Variants in TRPM2 observed in about 807,000 individuals in gnomAD.
The protein encoded by TRPM2 is transient receptor potential cation channel subfamily M member 2.
In TRPM2, 161 loss-of-function variants were observed where a neutral mutation model predicts 174.0. The observed-to-expected ratio is 0.93, with a 90% CI of 0.81 to 1.05. The LOEUF (loss-of-function observed/expected upper bound fraction) is 1.05. Among genes scored for constraint, TRPM2 ranks in the 50% least tolerant of loss-of-function variants. TRPM2 has a pLI of 0.00. For missense variants in TRPM2, 2,057 were observed against 2,038.0 expected, an observed-to-expected ratio of 1.01 and a Z score of -0.18; for synonymous variants, 954 against 861.3, an observed-to-expected ratio of 1.11 and a Z score of -1.88.
intron 5 of TRPM2, among the ~76,000 whole-genome samples, 181 bp from the exon 6 acceptor site, chr21:44,375,652 G>A (rs551087912): frequency 2.6e-5 from 4 of 152,158 alleles, no homozygotes; most frequent in African/African-American, 4.8e-5. Context: ...GGGCCCACTC[G>A]GATCATCCAA....
In TRPM2 at chr21:44,389,436, T is replaced by C. The variant is rs142152783; in HGVS notation, c.1319-1468T>C. On this transcript the variant is annotated intron_variant, in intron 9 of 31. Coordinates refer to ENST00000397928, the MANE Select transcript of TRPM2 (RefSeq NM_003307.4). The stretch of plus-strand genomic sequence containing the variant: ...ATCTAGGAGTGGAATTACTGGCCTT[T>C]ATGGTAAGTGTATGTTTTACTTTGT... Among the ~76,000 whole-genome samples the C allele has an allele frequency of 2.0e-4, 31 of 152,354 alleles. No individual in the cohort carries two copies. The East Asian group carries it at 4.2e-3, about 21-fold the overall frequency.
chr21:44,357,567 C>T (rs556319375), intron 2 of TRPM2, among the ~76,000 whole-genome samples: 168 of 152,298 alleles, frequency 1.1e-3, no homozygotes, highest in Non-Finnish European at 1.9e-3. Context: ...TTCCTCTAGC[C>T]GAGAAGCACG....
rs1785439 is a variant in TRPM2, at chr21:44,406,861, A to G, written c.2962+96A>G. The G allele has an allele frequency of 0.76, 1,101,623 of 1,454,940 alleles. 417,859 individuals are homozygous for G. The highest frequency in any genetic ancestry group is 0.79 in the East Asian group (31,850 of 40,104). The allele number at this position is 1,454,940 out of a possible 1,614,324, so 90.1% of individuals were successfully genotyped here. ...CATGAGTGGGAGTGAGGCCGGCTCCATCAGGGGGTCCTGCGGTTCCCACCT... is the reference window on the plus strand; with the variant it reads ...CATGAGTGGGAGTGAGGCCGGCTCCGTCAGGGGGTCCTGCGGTTCCCACCT... On this transcript the variant is annotated intron_variant, in intron 19 of 31. Coordinates refer to ENST00000397928, the MANE Select transcript of TRPM2 (RefSeq NM_003307.4).
intron 8 of TRPM2, among the ~76,000 whole-genome samples, chr21:44,382,260 G>A (rs2048904817): frequency 6.6e-6 from 1 of 152,160 alleles, no homozygotes; most frequent in Non-Finnish European, 1.5e-5. Context: ...TAGATAGATG[G>A]ATAGATGCAT....
intron 8 of TRPM2, among the ~76,000 whole-genome samples, chr21:44,381,999 T>TA (rs796979634): frequency 1.4e-5 from 2 of 147,428 alleles, no homozygotes; most frequent in South Asian, 2.2e-4. Flanking sequence ...GATAGATGGA[T>TA]GATAGATAGA....
intron 5 of TRPM2, among the ~76,000 whole-genome samples, chr21:44,370,241 C>G (rs1383019980): frequency 6.6e-6 from 1 of 152,106 alleles, no homozygotes. Flanking sequence ...CAGGGCGATC[C>G]GACCCCGAAC....
chr21:44,390,342 A>T (rs959379723), intron 9 of TRPM2, among the ~76,000 whole-genome samples: 37 of 152,194 alleles, frequency 2.4e-4, no homozygotes, highest in African/African-American at 8.7e-4. Flanking sequence ...GTATGGTGTG[A>T]GGTAAGGGTC....
chr21:44,418,866 T>C (rs865920310), intron 22 of TRPM2, among the ~76,000 whole-genome samples: 1 of 152,182 alleles, frequency 6.6e-6, no homozygotes, highest in Non-Finnish European at 1.5e-5. Context: ...CCTGGGGGCA[T>C]GTGCACACGG....
chr21:44,421,281 G>A lies in TRPM2; in HGVS notation c.3462-2364G>A, dbSNP rs56384759. ...TGCAGTGAGCTGAGATCGCGCTGCT[G>A]CACTCCAGCCTGGGCGACAGAGCAA... On this transcript the variant is annotated intron_variant, in intron 22 of 31. Coordinates refer to ENST00000397928, the MANE Select transcript of TRPM2 (RefSeq NM_003307.4). 9.7e-3 allele frequency among the ~76,000 whole-genome samples: 1,466 copies of A among 151,828 alleles called. 11 individuals carry two copies. Among genetic ancestry groups the A allele is most frequent in the Non-Finnish European group, 0.015 (1,002 of 67,976 alleles).
rs777462356 is a variant in TRPM2 at position 44,426,995 on chromosome 21, C to A, written c.3873-15C>A. Reference sequence around the variant, plus strand: ...CAACACGGGCACACAGACACGCCTTCTCCTCTGCTCCCAGCACCCTGGAGC... The same window carrying A: ...CAACACGGGCACACAGACACGCCTTATCCTCTGCTCCCAGCACCCTGGAGC... On this transcript the variant is annotated splice_polypyrimidine_tract_variant and intron_variant, in intron 26 of 31. Transcript: ENST00000397928. 1 of 1,577,836 alleles carries A rather than the reference C, an allele frequency of 6.3e-7. No homozygotes were observed. The highest frequency in any genetic ancestry group is 1.2e-5 in the South Asian group (1 of 86,548).
At position 44,414,028 on chromosome 21, in the gene TRPM2, C is replaced by G; in HGVS notation, c.3100C>G (p.Leu1034Val). The change falls in exon 20 of 32, where the codon CTC becomes GTC. Residue 1034 changes from leucine (L) to valine (V), a missense_variant. Leu to Val is a conservative substitution (Grantham distance 32). Coordinates refer to ENST00000397928, the MANE Select transcript of TRPM2 (RefSeq NM_003307.4). ...GGTCCTCCTACTCTGCCTCTACCTG[C>G]TCTTCACCAACATCCTGCTGCTCAA... ...LTVLLLCLYL[L>V]FTNILLLNLL... is the part of the protein sequence containing the mutation. 4 of 1,613,590 alleles carry G rather than the reference C, an allele frequency of 2.5e-6. No individual in the cohort carries two copies. Among genetic ancestry groups the G allele is most frequent in the Non-Finnish European group, 3.4e-6 (4 of 1,179,980 alleles).
chr21:44,428,940 T>TA (rs376726509), intron 27 of TRPM2, among the ~76,000 whole-genome samples: 39 of 152,370 alleles, frequency 2.6e-4, no homozygotes, highest in African/African-American at 8.7e-4. Context: ...AGCGTTGCAG[T>TA]AATCCTGACT....
Position 44,401,716 on chromosome 21 carries a change from C to T in TRPM2, c.2357C>T (p.Ala786Val). The change falls in exon 16 of 32, where the codon GCC (alanine) becomes GTC (valine). Residue 786 changes from alanine (A) to valine (V), a missense_variant. Transcript: ENST00000397928. ...KRLQDVGTPA[A>V]RARAFFTAPV... is the part of the protein sequence containing the mutation. Reference sequence around the variant, plus strand: ...CTGCAGGATGTGGGCACCCCCGCGGCCCGCGCCCGTGCCTTCTTCACCGCA... The same window carrying T: ...CTGCAGGATGTGGGCACCCCCGCGGTCCGCGCCCGTGCCTTCTTCACCGCA... 1 of 1,613,302 alleles carries T rather than the reference C, an allele frequency of 6.2e-7. No individual in the cohort carries two copies. Among genetic ancestry groups the T allele is most frequent in the Non-Finnish European group, 8.5e-7 (1 of 1,179,920 alleles).
At chr21:44,407,114 C>G (rs1601176296) in intron 19 of TRPM2, among the ~76,000 whole-genome samples, 1 of 144,656 alleles carries the variant, frequency 6.9e-6, no homozygotes, top group Admixed American at 7.0e-5. Context: ...TCCTTCTTCT[C>G]TTGATGGAAA....
At chr21:44,413,824 C>G in intron 19 of TRPM2, 67 bp from the exon 20 acceptor site, 1 of 1,551,726 alleles carries the variant, frequency 6.4e-7, no homozygotes, top group Non-Finnish European at 8.8e-7. Flanking sequence ...CGAGGGCCCC[C>G]TCCTGCCAAG....
intron 29 of TRPM2, among the ~76,000 whole-genome samples, chr21:44,437,686 AG>A (rs2051332924): frequency 6.6e-6 from 1 of 152,172 alleles, no homozygotes; most frequent in African/African-American, 2.4e-5. Flanking sequence ...TGTGGGGCTG[AG>A]GCTGGAGCGC....
chr21:44,422,744 A>C (rs2050597223), intron 22 of TRPM2, among the ~76,000 whole-genome samples: 1 of 151,224 alleles, frequency 6.6e-6, no homozygotes. Context: ...ACAGAAACCA[A>C]ACATTTCCAG....
rs918851971 is a variant in TRPM2 at position 44,439,824 on chromosome 21, C to T, written c.4269+656C>T. Among the ~76,000 whole-genome samples, 2 of 152,112 alleles carry T rather than the reference C, an allele frequency of 1.3e-5. No homozygotes were observed. On this transcript the variant is annotated intron_variant, in intron 30 of 31. Transcript: ENST00000397928. The surrounding 1 kb of genome is among the most constrained non-coding windows in gnomAD (Gnocchi z 5.1). ...GCAGCCTCCACCTCCCGGGCTCAAGCAATGCTCTTGCCTTGGCCTCCCAGG... is the reference window on the plus strand; with the variant it reads ...GCAGCCTCCACCTCCCGGGCTCAAGTAATGCTCTTGCCTTGGCCTCCCAGG...
intron 9 of TRPM2, 122 bp downstream of exon 9, chr21:44,382,942 A>G: frequency 9.3e-7 from 1 of 1,077,048 alleles, no homozygotes; most frequent in Admixed American, 2.2e-5. Flanking sequence ...TTGGTCAGAA[A>G]CCCTGGCCAG....
Sources: allele counts gnomAD v4.1 joint callset (sites outside exome capture counted in the v4.1 genomes callset), GRCh38; gene constraint gnomAD v4.1.1; non-coding constraint Gnocchi (gnomAD v3.1); transcripts MANE v1.5; gene names NCBI Gene and HGNC (gene_info 2026-07-23, HGNC 2026-07-21).